ASIC2: variants seen among roughly 807,000 people sequenced by gnomAD.
ASIC2 encodes acid sensing ion channel subunit 2.
A neutral mutation model predicts 57.3 loss-of-function variants in ASIC2; 25 were observed. The observed-to-expected ratio is 0.44, with a 90% CI of 0.32 to 0.61. The LOEUF (loss-of-function observed/expected upper bound fraction) is 0.61. Among genes scored for constraint, ASIC2 ranks in the 20% least tolerant of loss-of-function variants. The pLI, the probability that ASIC2 is intolerant of heterozygous loss-of-function variation, is 0.06. For missense variants in ASIC2, 641 were observed against 738.1 expected (o/e 0.87, Z 1.52); for synonymous variants, 319 against 307.5 (o/e 1.04, Z -0.39).
intron 1 of ASIC2, among the ~76,000 whole-genome samples, chr17:33,628,369 G>T (rs1476373468): frequency 8.6e-5 from 13 of 150,972 alleles, no homozygotes; most frequent in Non-Finnish European, 1.9e-4. Flanking sequence ...ATAGCTCATT[G>T]CAACCTCGAC....
chr17:33,014,303 G>A (rs2091794477), intron 9 of ASIC2, among the ~76,000 whole-genome samples: 1 of 152,116 alleles, frequency 6.6e-6, no homozygotes, highest in Non-Finnish European at 1.5e-5. Context: ...TTGATTGGCT[G>A]CTGGTTTGAT....
chr17:33,729,180 G>A (rs554526238), intron 1 of ASIC2, among the ~76,000 whole-genome samples: 16 of 152,314 alleles, frequency 1.1e-4, no homozygotes, highest in Admixed American at 1.0e-3. Flanking sequence ...TTCTAGGGAG[G>A]TCTCTCAGGA....
At chr17:33,967,930 C>T (rs1044792389) in intron 1 of ASIC2, among the ~76,000 whole-genome samples, 9 of 152,254 alleles carry the variant, frequency 5.9e-5, no homozygotes, top group Non-Finnish European at 8.8e-5. Flanking sequence ...TTTTTCAACT[C>T]GGGGCCTCAC....
intron 1 of ASIC2, among the ~76,000 whole-genome samples, chr17:33,240,161 T>C (rs758361127): frequency 1.3e-5 from 2 of 152,104 alleles, no homozygotes; most frequent in Non-Finnish European, 2.9e-5. Context: ...TGAGTGCTGG[T>C]CCCATCCCTG....
chr17:33,533,936 C>T (rs557766306), intron 1 of ASIC2, among the ~76,000 whole-genome samples: 1 of 152,300 alleles, frequency 6.6e-6, no homozygotes, highest in East Asian at 1.9e-4. Context: ...AAGGGCTAAA[C>T]CAGCTGTTCC....
chr17:34,104,359 T>C (rs1910968550), intron 1 of ASIC2, among the ~76,000 whole-genome samples: 1 of 152,148 alleles, frequency 6.6e-6, no homozygotes, highest in African/African-American at 2.4e-5. Context: ...TCCTCAGGCT[T>C]TTCTTATAAA....
At chr17:33,361,392 G>T (rs1908601460) in intron 1 of ASIC2, among the ~76,000 whole-genome samples, 1 of 152,202 alleles carries the variant, frequency 6.6e-6, no homozygotes, top group African/African-American at 2.4e-5. Flanking sequence ...GGACCTGATG[G>T]TGAGAGGTGG....
chr17:33,513,950 C>T (rs1408851253), intron 1 of ASIC2, among the ~76,000 whole-genome samples: 2 of 152,202 alleles, frequency 1.3e-5, no homozygotes, highest in African/African-American at 4.8e-5. Flanking sequence ...GTAGGGAGGG[C>T]ACCAACACTG....
intron 1 of ASIC2, among the ~76,000 whole-genome samples, chr17:33,933,833 T>G (rs1171296695): frequency 6.6e-6 from 1 of 152,182 alleles, no homozygotes; most frequent in Non-Finnish European, 1.5e-5. Flanking sequence ...CTATCAATAA[T>G]CAAGGTCCTT....
At chr17:33,229,943 AC>A (rs1229977726) in intron 1 of ASIC2, among the ~76,000 whole-genome samples, 4 of 152,140 alleles carry the variant, frequency 2.6e-5, no homozygotes, top group African/African-American at 9.7e-5. Context: ...GAACTACGTA[AC>A]CTTGAAGGTC....
At chr17:33,882,801 C>T (rs1485567314) in intron 1 of ASIC2, among the ~76,000 whole-genome samples, 1 of 152,196 alleles carries the variant, frequency 6.6e-6, no homozygotes, top group Non-Finnish European at 1.5e-5. Flanking sequence ...TATAAAGACA[C>T]ATGCACACGT....
intron 1 of ASIC2, among the ~76,000 whole-genome samples, chr17:33,864,419 T>C (rs2141926209): frequency 6.6e-6 from 1 of 152,292 alleles, no homozygotes; most frequent in Middle Eastern, 3.4e-3. Flanking sequence ...CAGCCACCTA[T>C]TTGGCAGGTG....
chr17:33,266,696 G>A (rs1431403367), intron 1 of ASIC2, among the ~76,000 whole-genome samples: 2 of 152,042 alleles, frequency 1.3e-5, no homozygotes, highest in Admixed American at 1.3e-4. Flanking sequence ...CTAAGTGGAT[G>A]ATCGCTATGA....
At chr17:33,088,349 A>C (rs2092143495) in intron 3 of ASIC2, among the ~76,000 whole-genome samples, 1 of 152,182 alleles carries the variant, frequency 6.6e-6, no homozygotes, top group Non-Finnish European at 1.5e-5. Flanking sequence ...TTGATGCAGC[A>C]GTCCCAGCTG....
chr17:33,984,786 A>T (rs1010841093), intron 1 of ASIC2, among the ~76,000 whole-genome samples: 14 of 152,208 alleles, frequency 9.2e-5, no homozygotes, highest in African/African-American at 3.4e-4. Flanking sequence ...TGTTGCTGAA[A>T]GGAGATGGAG....
At chr17:33,746,094 A>G (rs1207115652) in intron 1 of ASIC2, among the ~76,000 whole-genome samples, 1 of 151,996 alleles carries the variant, frequency 6.6e-6, no homozygotes, top group East Asian at 1.9e-4. Context: ...GGTAATTTGA[A>G]TTCACAGAAA....
intron 1 of ASIC2, among the ~76,000 whole-genome samples, chr17:34,149,203 T>TG (rs1187363562): frequency 6.6e-6 from 1 of 151,658 alleles, no homozygotes; most frequent in African/African-American, 2.4e-5. Context: ...ACCTTCCAGT[T>TG]TTAAGCTAAC....
chr17:33,051,229 A>G (rs1454779091), intron 3 of ASIC2, among the ~76,000 whole-genome samples: 1 of 152,074 alleles, frequency 6.6e-6, no homozygotes, highest in Non-Finnish European at 1.5e-5. Flanking sequence ...TTGAAGACAG[A>G]CTCGCAAAGG....
chr17:34,122,436 G>A (rs1911653017), intron 1 of ASIC2, among the ~76,000 whole-genome samples: 1 of 152,170 alleles, frequency 6.6e-6, no homozygotes, highest in Non-Finnish European at 1.5e-5. Context: ...ACGGTTCATC[G>A]GAATGCAAAT....
Sources: gnomAD v4.1 joint callset for allele counts (sites outside exome capture counted in the v4.1 genomes callset) on GRCh38, gnomAD v4.1.1 for gene constraint, MANE v1.5 for transcripts, NCBI Gene and HGNC (gene_info 2026-07-23, HGNC 2026-07-21) for gene names.